The following CEP72 variants were observed in gnomAD, a reference collection of about 807,000 sequenced individuals.
CEP72 encodes the protein centrosomal protein 72, also known as centrosomal protein of 72 kDa.
In CEP72, 78 loss-of-function variants were observed where a neutral mutation model predicts 65.7. The ratio of observed to expected loss-of-function variants is 1.19; its 90% confidence interval spans 0.99 to 1.43. CEP72 has a LOEUF of 1.43. CEP72 is among the 40% of genes most tolerant of loss of function. The probability of loss-of-function intolerance (pLI) is 0.00; values close to 1 mark genes in which losing one functional copy is unlikely to be tolerated. For synonymous variants in CEP72, 358 were observed against 351.7 expected, an observed-to-expected ratio of 1.02 and a Z score of -0.20; for missense variants, 914 against 832.9, an observed-to-expected ratio of 1.10 and a Z score of -1.20.
At chr5:658,618 C>G (rs1328482359), downstream of CEP72, among the ~76,000 whole-genome samples, 2 of 79,336 alleles carry the variant, frequency 2.5e-5, no homozygotes, top group Admixed American at 1.3e-4. Context: ...TTCTGTGTTT[C>G]TTTCTCTTGT....
chr5:637,859 C>G, intron 7 of CEP72, 41 bp downstream of exon 7: 5 of 1,469,278 alleles, frequency 3.4e-6, no homozygotes, highest in Non-Finnish European at 4.5e-6. Context: ...ACGGCACTGC[C>G]TCCCTAATGT....
intron 2 of CEP72, chr5:665,059 T>C: frequency 6.3e-7 from 1 of 1,580,932 alleles, no homozygotes; most frequent in Non-Finnish European, 8.6e-7. Flanking sequence ...ACAGAGTCCC[T>C]GCTCTGGGGA....
chr5:623,059 C>T lies in CEP72; in HGVS notation c.404-1412C>T, dbSNP rs1418072020. On this transcript the variant is annotated intron_variant, in intron 3 of 11. Coordinates refer to ENST00000264935, the MANE Select transcript of CEP72 (RefSeq NM_018140.4). This position sits in a 1 kb window ranked among gnomAD's most constrained non-coding sequence, Gnocchi z 5.3. ...TGTTTCTGTAGAGAAGGAGCGCGGC[C>T]GTCTCCCTCTTAGTGTTTCTGCAGA... 1.3e-5 allele frequency among the ~76,000 whole-genome samples: 2 copies of T among 151,128 alleles called. No individual in the cohort carries two copies. Among genetic ancestry groups the T allele is most frequent in the Admixed American group, 6.6e-5 (1 of 15,134 alleles).
intron 1 of CEP72, among the ~76,000 whole-genome samples, chr5:616,836 G>A (rs78428126): frequency 0.034 from 5,072 of 151,062 alleles, 294 homozygotes; most frequent in African/African-American, 0.12. Context: ...GTGTGTGCGC[G>A]CGAGTGGGGG....
At chr5:621,524 C>T (rs1736390427) in intron 3 of CEP72, among the ~76,000 whole-genome samples, 1 of 152,228 alleles carries the variant, frequency 6.6e-6, no homozygotes. Context: ...GGTTTTGCCA[C>T]CCACCAGATG....
At chr5:639,882 C>T (rs1445825608) in intron 8 of CEP72, among the ~76,000 whole-genome samples, 3 of 152,216 alleles carry the variant, frequency 2.0e-5, no homozygotes, top group Non-Finnish European at 4.4e-5. Flanking sequence ...TGTCTGACTG[C>T]GCCTTGCAGT....
chr5:632,132 G>A, intron 4 of CEP72, among the ~76,000 whole-genome samples: 1 of 65,288 alleles, frequency 1.5e-5, no homozygotes, highest in Admixed American at 1.6e-4. Context: ...GTGGGGTTCT[G>A]TCCAGCGCCG....
chr5:612,379 T>G lies in CEP72; in HGVS notation c.18T>G (p.Pro6=). MARAG[P]RLVLSEEAVR... ...TTTGAAACATGGCGCGGGCTGGCCCTCGGCTGGTGCTGAGCGAGGAGGCGG... is the reference window on the plus strand; with the variant it reads ...TTTGAAACATGGCGCGGGCTGGCCCGCGGCTGGTGCTGAGCGAGGAGGCGG... The change falls in exon 1 of 12, where the codon CCT becomes CCG. Residue 6 remains proline (P), a synonymous_variant. Coordinates refer to ENST00000264935, the MANE Select transcript of CEP72 (RefSeq NM_018140.4). The G allele has an allele frequency of 1.3e-6, 2 of 1,491,124 alleles. No individual in the cohort carries two copies. The highest frequency in any genetic ancestry group is 8.9e-7 in the Non-Finnish European group (1 of 1,125,588). The allele number at this position is 1,491,124 out of a possible 1,614,324, so 92.4% of individuals were successfully genotyped here. A position where few individuals can be genotyped will look rare whatever the true frequency, so the allele number is the denominator to read the frequency against.
intron 4 of CEP72, among the ~76,000 whole-genome samples, chr5:631,853 G>A (rs1364144476): frequency 2.5e-5 from 1 of 40,412 alleles, no homozygotes; most frequent in Non-Finnish European, 5.2e-5. Flanking sequence ...AGTCCTGGTG[G>A]GGTTCTGTCC....
intron 1 of CEP72, among the ~76,000 whole-genome samples, chr5:615,228 C>T (rs769034656): frequency 1.2e-4 from 18 of 151,242 alleles, no homozygotes; most frequent in Non-Finnish European, 2.1e-4. Context: ...CTCTGCCTCC[C>T]GGGTTCACAT....
In CEP72 at chr5:642,565, T is replaced by G. The variant is rs1738128463; in HGVS notation, c.1540-1734T>G. On this transcript the variant is annotated intron_variant, in intron 9 of 11. Coordinates refer to ENST00000264935, the MANE Select transcript of CEP72 (RefSeq NM_018140.4). ...AGCCCAAAGGTGTGCCGAGCACCAG[T>G]GCTGCCAGGGGTGAGAGTCACATGC... is the stretch of plus-strand genomic sequence containing the variant. 4.1e-6 allele frequency: 4 copies of G among 985,370 alleles called. No individual in the cohort carries two copies. In the Admixed American group the frequency reaches 2.5e-4, roughly 61 times the overall value. The allele number at this position is 985,370 out of a possible 1,614,324, so 61.0% of individuals were successfully genotyped here.
At position 665,258 on chromosome 5, in the gene CEP72, G is replaced by A. The variant is rs1260310558; in HGVS notation, n.366G>A. On this transcript the variant is annotated non_coding_transcript_exon_variant, in exon 3 of 5. Transcript: ENST00000514507. Reference sequence around the variant, plus strand: ...TGTGGGAGCCCGTGAACTTGGTGGTGTCCGTGAGCCTCGACACTGTGGGCG... The same window carrying A: ...TGTGGGAGCCCGTGAACTTGGTGGTATCCGTGAGCCTCGACACTGTGGGCG... 3 of 1,613,790 alleles carry A rather than the reference G, an allele frequency of 1.9e-6. No individual in the cohort carries two copies. The South Asian group carries it at 3.3e-5, about 18-fold the overall frequency.
chr5:613,402 A>G (rs1735800186), intron 1 of CEP72, among the ~76,000 whole-genome samples: 1 of 151,226 alleles, frequency 6.6e-6, no homozygotes, highest in Admixed American at 6.6e-5. Flanking sequence ...ACGGAGTCTC[A>G]CTCTGTCGTC....
the CEP72 span, among the ~76,000 whole-genome samples, chr5:673,494 C>T: frequency 1.3e-5 from 2 of 152,094 alleles, no homozygotes; most frequent in Non-Finnish European, 2.9e-5. Flanking sequence ...CTTGGCCTCC[C>T]CTCAGGCCGG....
In CEP72 at chr5:639,270, G is replaced by A. The variant is rs141091261; in HGVS notation, c.1342+46G>A. The stretch of plus-strand genomic sequence containing the variant: ...CTCTTGCCCTGTAGGCAGCGTCTGT[G>A]TGGGTTCCGGGGTCCTCTGCGTGTG... On this transcript the variant is annotated intron_variant, in intron 8 of 11. Transcript: ENST00000264935. 3.3e-4 allele frequency: 499 copies of A among 1,521,252 alleles called. 5 individuals are homozygous for A. In the East Asian group the frequency reaches 0.011, roughly 33 times the overall value. 94.2% of individuals were successfully genotyped at this position (1,521,252 alleles called of 1,614,324 possible).
At chr5:648,550 T>TG (rs774105985) in intron 11 of CEP72, among the ~76,000 whole-genome samples, 134 of 85,018 alleles carry the variant, frequency 1.6e-3, no homozygotes, top group African/African-American at 2.8e-3. Context: ...CTGTGAGGTG[T>TG]GACTGTGAGG....
chr5:642,713 C>G (rs1298771958), intron 9 of CEP72: 1 of 985,302 alleles, frequency 1.0e-6, no homozygotes, highest in African/African-American at 1.7e-5. Flanking sequence ...GTGAGTGATC[C>G]AGAAGAATCT....
intron 11 of CEP72, among the ~76,000 whole-genome samples, chr5:651,004 G>A (rs371911864): frequency 4.0e-5 from 3 of 75,080 alleles, no homozygotes; most frequent in Non-Finnish European, 7.4e-5. Context: ...ACTGTGAGGC[G>A]TGGACTGTGA....
intron 4 of CEP72, among the ~76,000 whole-genome samples, chr5:628,499 GTTCCCAGGACCCA>G (rs1335427033): frequency 2.7e-5 from 4 of 150,350 alleles, no homozygotes; most frequent in African/African-American, 2.5e-5. Flanking sequence ...CCTGGGGAGT[GTTCCCAGGACCCA>G]GCCCCCTTCT....
Sources: allele counts gnomAD v4.1 joint callset (sites outside exome capture counted in the v4.1 genomes callset), GRCh38; gene constraint gnomAD v4.1.1; non-coding constraint Gnocchi (gnomAD v3.1); transcripts MANE v1.5; gene names NCBI Gene and HGNC (gene_info 2026-07-23, HGNC 2026-07-21).